STK11IP: variants seen among roughly 807,000 people sequenced by gnomAD.
STK11IP encodes serine/threonine kinase 11 interacting protein, also known as serine/threonine-protein kinase 11-interacting protein.
In STK11IP, 103 loss-of-function variants were observed where a neutral mutation model predicts 131.7. The observed-to-expected ratio is 0.78, with a 90% CI of 0.67 to 0.92. The LOEUF is 0.92. STK11IP is among the 40% of genes least tolerant of loss of function. STK11IP has a pLI of 0.00. For synonymous variants in STK11IP, 557 were observed against 575.6 expected (o/e 0.97, Z 0.46); for missense variants, 1,315 against 1,385.7 (o/e 0.95, Z 0.81).
At chr2:219,606,631 T>C in intron 11 of STK11IP, 81 bp from the exon 12 acceptor site, 1 of 1,597,102 alleles carries the variant, frequency 6.3e-7, no homozygotes, top group Non-Finnish European at 8.5e-7. Context: ...GAAAGTAGGG[T>C]CCCGCCTTTT....
chr2:219,602,655 A>C (rs760391192), intron 6 of STK11IP, 50 bp from the exon 7 acceptor site: 2 of 1,612,064 alleles, frequency 1.2e-6, no homozygotes, highest in Non-Finnish European at 1.7e-6. Flanking sequence ...GGTTGACCAG[A>C]TAGTATTGTA....
At position 219,608,094 on chromosome 2, in the gene STK11IP, C is replaced by T. The variant is rs748417151; in HGVS notation, c.1267C>T (p.Arg423Trp). ...GGAGCTGGAGCTCATGAGCAGCTTCCGGGAACGGTTCGGCCGCAACTGGCT... is the reference window on the plus strand; with the variant it reads ...GGAGCTGGAGCTCATGAGCAGCTTCTGGGAACGGTTCGGCCGCAACTGGCT... Reference protein sequence around the residue: ...HPELELMSSFRERFGRNWLQY... With the variant: ...HPELELMSSFWERFGRNWLQY... Residue 423 changes from arginine (R) to tryptophan (W), a missense_variant, in exon 14 of 25, where the codon CGG (arginine) becomes TGG (tryptophan). Physicochemically the swap from Arg to Trp is moderately radical, Grantham distance 101. Coordinates refer to ENST00000456909, the MANE Select transcript of STK11IP (RefSeq NM_052902.4). 1.9e-5 allele frequency: 30 copies of T among 1,612,762 alleles called. No homozygotes were observed. The highest frequency in any genetic ancestry group is 7.7e-5 in the South Asian group (7 of 91,036).
intron 17 of STK11IP, among the ~76,000 whole-genome samples, chr2:219,610,410 CT>C (rs1437841159): frequency 2.1e-4 from 29 of 136,544 alleles, no homozygotes; most frequent in Non-Finnish European, 3.2e-4. Context: ...TTTTTTTTTT[CT>C]TTTTTTTTTG....
Position 219,609,130 on chromosome 2 carries a change from A to T in STK11IP, c.1843A>T (p.Ser615Cys), listed in dbSNP as rs1227668924. 3 of 1,608,688 alleles carry T rather than the reference A, an allele frequency of 1.9e-6. No homozygotes were observed. The highest frequency in any genetic ancestry group is 2.5e-6 in the Non-Finnish European group (3 of 1,177,760). ...TCTGCTCCCTGGAGCCCCCATCCTCAGTCTGCGCTTCTCCTACATCTGCCC... is the reference window on the plus strand; with the variant it reads ...TCTGCTCCCTGGAGCCCCCATCCTCTGTCTGCGCTTCTCCTACATCTGCCC... ...SDLLPGAPIL[S>C]LRFSYICPDR... Residue 615 changes from serine (S) to cysteine (C), a missense_variant, in exon 16 of 25, where the codon AGT becomes TGT. Transcript: ENST00000456909.
In STK11IP at chr2:219,605,949, A is replaced by G. The variant is rs779543900; in HGVS notation, c.746-7A>G. On this transcript the variant is annotated splice_polypyrimidine_tract_variant and splice_region_variant and intron_variant, in intron 8 of 24. Coordinates refer to ENST00000456909, the MANE Select transcript of STK11IP (RefSeq NM_052902.4). ...ATGCTCTTCCTTCCTTCTTGCGTCCACCCCAGGCCTAGAGCAGCTGAGGAA... is the reference window on the plus strand; with the variant it reads ...ATGCTCTTCCTTCCTTCTTGCGTCCGCCCCAGGCCTAGAGCAGCTGAGGAA... The G allele has an allele frequency of 2.2e-5, 35 of 1,594,958 alleles. No homozygotes were observed. Among genetic ancestry groups the G allele is most frequent in the Non-Finnish European group, 2.8e-5 (33 of 1,170,774 alleles).
intron 13 of STK11IP, 141 bp from the exon 14 acceptor site, chr2:219,607,906 G>A (rs373637325): frequency 2.0e-4 from 226 of 1,109,954 alleles, no homozygotes; most frequent in African/African-American, 1.8e-3. Flanking sequence ...TACATGCCGC[G>A]GAGGGGACGC....
chr2:219,600,638 TAGAG>T (rs1697955745), intron 2 of STK11IP, among the ~76,000 whole-genome samples: 1 of 152,202 alleles, frequency 6.6e-6, no homozygotes, highest in Non-Finnish European at 1.5e-5. Context: ...AAAGTCTCAT[TAGAG>T]AGAGCAGTTT....
intron 9 of STK11IP, 41 bp downstream of exon 9, chr2:219,606,100 C>A (rs771053836): frequency 6.4e-7 from 1 of 1,552,612 alleles, no homozygotes; most frequent in East Asian, 2.4e-5. Context: ...ACCACCCTTG[C>A]ACGTACCCCC....
chr2:219,607,047 C>G lies in STK11IP; in HGVS notation c.1135-6C>G, dbSNP rs768357196. The G allele has an allele frequency of 6.2e-7, 1 of 1,613,902 alleles. No individual in the cohort carries two copies. The highest frequency in any genetic ancestry group is 1.7e-5 in the Admixed American group (1 of 60,020). On this transcript the variant is annotated splice_region_variant and splice_polypyrimidine_tract_variant and intron_variant, in intron 12 of 24. Transcript: ENST00000456909. ...TCACAGAACTTCTTCCCTCCACCAA[C>G]CTCAGAGCCGAGTCCGTGTGAGGCG...
At chr2:219,598,453 TA>T in intron 2 of STK11IP, 2 of 390,782 alleles carry the variant, frequency 5.1e-6, no homozygotes, top group Non-Finnish European at 4.5e-6. Flanking sequence ...ATTACCTGAC[TA>T]AAAGCCCCTC....
chr2:219,604,783 C>G (rs1027302877), intron 7 of STK11IP, among the ~76,000 whole-genome samples: 6 of 151,288 alleles, frequency 4.0e-5, no homozygotes, highest in African/African-American at 1.5e-4. Context: ...ACGGTTATTT[C>G]CCTGAACAGA....
intron 2 of STK11IP, chr2:219,598,388 A>G (rs539284935): frequency 1.6e-5 from 8 of 488,620 alleles, no homozygotes; most frequent in African/African-American, 1.6e-4. Context: ...TTTGAGGCCA[A>G]AGGGCGGTAT....
In STK11IP at chr2:219,608,304, G is replaced by C; in HGVS notation, c.1477G>C (p.Glu493Gln). ...GAAAATGTCAGAGGAGGTCAGGGCG[G>C]AGCCACAGGAGGAGGAAGAGGAGAA... is the stretch of plus-strand genomic sequence containing the variant. ...PQKMSEEVRA[E>Q]PQEEEEEKEG... is the part of the protein sequence containing the mutation. The change falls in exon 14 of 25, where the codon GAG becomes CAG. Residue 493 changes from glutamate (E) to glutamine (Q), a missense_variant. Transcript: ENST00000456909. The C allele has an allele frequency of 6.2e-7, 1 of 1,609,328 alleles. No homozygotes were observed. Among genetic ancestry groups the C allele is most frequent in the Non-Finnish European group, 8.5e-7 (1 of 1,177,934 alleles).
chr2:219,616,371 C>A lies in STK11IP; in HGVS notation c.*178C>A. ...GAGAGGCGAGAGAATGATCTGGCCT[C>A]AGGGGACAGGCCACCTGGTCAGGAG... On this transcript the variant is annotated 3_prime_UTR_variant, in exon 25 of 25. Coordinates refer to ENST00000456909, the MANE Select transcript of STK11IP (RefSeq NM_052902.4). 1 of 751,684 alleles carries A rather than the reference C, an allele frequency of 1.3e-6. No individual in the cohort carries two copies. The highest frequency in any genetic ancestry group is 2.1e-6 in the Non-Finnish European group (1 of 484,606). 46.6% of individuals were successfully genotyped at this position (751,684 alleles called of 1,614,324 possible).
intron 7 of STK11IP, chr2:219,605,407 T>G (rs1574617893): frequency 1.9e-6 from 1 of 527,670 alleles, no homozygotes; most frequent in Non-Finnish European, 3.4e-6. Context: ...ATGCTCAGGG[T>G]GTGGCCTTGA....
In STK11IP at chr2:219,615,234, C is replaced by A; in HGVS notation, c.3010C>A (p.Pro1004Thr). 6.3e-7 allele frequency: 1 copy of A among 1,595,076 alleles called. No individual in the cohort carries two copies. The change falls in exon 24 of 25, where the codon CCG (proline) becomes ACG (threonine). Residue 1004 changes from proline (P) to threonine (T), a missense_variant. By Grantham distance (38) the Pro-to-Thr change is conservative (BLOSUM62 -1). Transcript: ENST00000456909. ...CTCTGAGAAGGTGCCTCCCTCGGGG[C>A]CGGGCCCTGCTGTGCGTGTCAGGGA... Reference protein sequence around the residue: ...EASEKVPPSGPGPAVRVREQQ... With the variant: ...EASEKVPPSGTGPAVRVREQQ...
chr2:219,601,423 A>G lies in STK11IP; in HGVS notation c.250A>G (p.Lys84Glu). ...QLQFLFDVLQKTLSLKLVHVA... is the reference protein window; with the variant it reads ...QLQFLFDVLQETLSLKLVHVA... ...TCAGTTTCTCTTCGATGTGCTGCAGAAAACACTTTCACTCAAGGTTCTGGG... is the reference window on the plus strand; with the variant it reads ...TCAGTTTCTCTTCGATGTGCTGCAGGAAACACTTTCACTCAAGGTTCTGGG... The change falls in exon 3 of 25, where the codon AAA (lysine) becomes GAA (glutamate). Residue 84 changes from lysine (K) to glutamate (E), a missense_variant. Lys to Glu is a moderately conservative substitution (Grantham distance 56). Coordinates refer to ENST00000456909, the MANE Select transcript of STK11IP (RefSeq NM_052902.4). 2 of 1,614,052 alleles carry G rather than the reference A, an allele frequency of 1.2e-6. No individual in the cohort carries two copies. Among genetic ancestry groups the G allele is most frequent in the Non-Finnish European group, 1.7e-6 (2 of 1,179,906 alleles).
At chr2:219,608,900 GA>G (rs1698295327) in intron 15 of STK11IP, 112 bp downstream of exon 15, 2 of 1,244,192 alleles carry the variant, frequency 1.6e-6, no homozygotes, top group East Asian at 5.1e-5. Context: ...ACTAGGAGCC[GA>G]GGAGGGGAGC....
At position 219,616,159 on chromosome 2, in the gene STK11IP, C is replaced by T. The variant is rs1698563507; in HGVS notation, c.3233C>T (p.Thr1078Ile). The change falls in exon 25 of 25, where the codon ACA becomes ATA. Residue 1078 changes from threonine to isoleucine, a missense_variant. By Grantham distance (89) the Thr-to-Ile change is moderately conservative. Coordinates refer to ENST00000456909, the MANE Select transcript of STK11IP (RefSeq NM_052902.4). ...WEELFSIGLRTVIQEALALDR is the reference protein window; with the variant it reads ...WEELFSIGLRIVIQEALALDR ...GAGCTGTTTTCCATCGGACTCCGGA[C>T]AGTGATCCAAGAGGCGCTGGCCCTT... 2 of 1,613,572 alleles carry T rather than the reference C, an allele frequency of 1.2e-6. No individual in the cohort carries two copies. Among genetic ancestry groups the T allele is most frequent in the Admixed American group, 1.7e-5 (1 of 60,002 alleles).
Sources: gnomAD v4.1 joint callset for allele counts (sites outside exome capture counted in the v4.1 genomes callset) on GRCh38, gnomAD v4.1.1 for gene constraint, MANE v1.5 for transcripts, NCBI Gene and HGNC (gene_info 2026-07-23, HGNC 2026-07-21) for gene names.